Variants in KIF5C observed in about 807,000 individuals in gnomAD.
KIF5C encodes the protein kinesin family member 5C.
KIF5C carries 18 observed loss-of-function variants against 125.2 expected under a neutral mutation model. The ratio of observed to expected loss-of-function variants is 0.14; its 90% CI spans 0.10 to 0.21. The LOEUF is 0.21. Among genes scored for constraint, KIF5C ranks in the 10% least tolerant of loss-of-function variants. KIF5C has a pLI of 1.00. For missense variants in KIF5C, 780 were observed against 1,183.8 expected (o/e 0.66, Z 5.01); for synonymous variants, 405 against 434.0 (o/e 0.93, Z 0.83).
In KIF5C at chr2:148,990,976, G is replaced by A. The variant is rs747623450; in HGVS notation, c.1717-34G>A. The A allele has an allele frequency of 3.1e-6, 5 of 1,589,700 alleles. No individual in the cohort carries two copies. The African/African-American group carries it at 6.7e-5, about 21-fold the overall frequency. ...AGTCCGTGAACCTATGGAAATTGTGGGCAACATTTGAGTGTGTCCCCTTCT... is the reference window on the plus strand; with the variant it reads ...AGTCCGTGAACCTATGGAAATTGTGAGCAACATTTGAGTGTGTCCCCTTCT... On this transcript the variant is annotated intron_variant, in intron 15 of 25. Coordinates refer to ENST00000435030, the MANE Select transcript of KIF5C (RefSeq NM_004522.3).
At chr2:148,914,855 G>C (rs1681482341) in intron 1 of KIF5C, among the ~76,000 whole-genome samples, 1 of 152,248 alleles carries the variant, frequency 6.6e-6, no homozygotes, top group South Asian at 2.1e-4. Flanking sequence ...GGAGTGGAGA[G>C]GAGAATGGGG....
At chr2:149,016,945 G>A (rs1444888469) in intron 25 of KIF5C, among the ~76,000 whole-genome samples, 13 of 152,132 alleles carry the variant, frequency 8.5e-5, no homozygotes, top group Non-Finnish European at 1.5e-4. Context: ...GGATCATGTG[G>A]GGGCACAGAG....
chr2:148,914,655 T>C (rs533637806), intron 1 of KIF5C, among the ~76,000 whole-genome samples: 3 of 152,386 alleles, frequency 2.0e-5, no homozygotes, highest in African/African-American at 7.2e-5. Context: ...GGCTGCTTTG[T>C]GGACATTTGT....
chr2:148,929,777 G>A (rs1682129204), intron 3 of KIF5C, among the ~76,000 whole-genome samples: 1 of 151,844 alleles, frequency 6.6e-6, no homozygotes, highest in East Asian at 1.9e-4. Flanking sequence ...TGTGGGCCAC[G>A]TTCAGCCCAC....
chr2:148,972,501 A>G (rs540723499), intron 11 of KIF5C, among the ~76,000 whole-genome samples: 13 of 152,280 alleles, frequency 8.5e-5, no homozygotes, highest in South Asian at 4.1e-4. Flanking sequence ...TATGTCTTTG[A>G]TGTTCTTGTT....
In KIF5C at chr2:149,023,738, G is replaced by A. The variant is rs995640285; in HGVS notation, c.*668G>A. ...AATTTGTTCATTCAAATACATCTGT[G>A]TAAATGCAAAAAGTCATAAAATTCA... On this transcript the variant is annotated 3_prime_UTR_variant, in exon 26 of 26. Coordinates refer to ENST00000435030, the MANE Select transcript of KIF5C (RefSeq NM_004522.3). 1 of 152,336 alleles carries A rather than the reference G, an allele frequency of 6.6e-6. No homozygotes were observed. The highest frequency in any genetic ancestry group is 2.4e-5 in the African/African-American group (1 of 41,436). The allele number at this position is 152,336 out of a possible 1,614,324, so 9.4% of individuals were successfully genotyped here. A position where few individuals can be genotyped will look rare whatever the true frequency, so the allele number is the denominator to read the frequency against.
chr2:148,968,296 G>A (rs1680800648), intron 11 of KIF5C, among the ~76,000 whole-genome samples: 1 of 152,280 alleles, frequency 6.6e-6, no homozygotes, highest in East Asian at 1.9e-4. Context: ...ACGCAGATTT[G>A]TTCATCCAGT....
chr2:148,914,390 T>G (rs1681461773), intron 1 of KIF5C, among the ~76,000 whole-genome samples: 1 of 152,240 alleles, frequency 6.6e-6, no homozygotes, highest in African/African-American at 2.4e-5. Flanking sequence ...TCTTTATGCC[T>G]GTTAGCCAGG....
Position 148,997,918 on chromosome 2 carries a change from G to A in KIF5C, c.2101-482G>A, listed in dbSNP as rs34977674. The A allele has an allele frequency of 1.1e-4, 18 of 168,264 alleles. No individual in the cohort carries two copies. The South Asian group carries it at 1.4e-3, about 13-fold the overall frequency. 10.4% of individuals were successfully genotyped at this position (168,264 alleles called of 1,614,324 possible). On this transcript the variant is annotated intron_variant, in intron 18 of 25. Coordinates refer to ENST00000435030, the MANE Select transcript of KIF5C (RefSeq NM_004522.3). Reference sequence around the variant, plus strand: ...AGCCAGCAGAATAAAATCATGCGTCGTGGGAGTCCCTTTCCTGTTTTCAGA... The same window carrying A: ...AGCCAGCAGAATAAAATCATGCGTCATGGGAGTCCCTTTCCTGTTTTCAGA...
chr2:148,925,576 G>A (rs1681958581), intron 2 of KIF5C, among the ~76,000 whole-genome samples: 1 of 152,150 alleles, frequency 6.6e-6, no homozygotes, highest in African/African-American at 2.4e-5. Flanking sequence ...AGGTTGGTTC[G>A]GGGGCCATGG....
chr2:148,928,996 TA>T (rs1015304355), intron 2 of KIF5C, among the ~76,000 whole-genome samples: 1 of 152,078 alleles, frequency 6.6e-6, no homozygotes, highest in Non-Finnish European at 1.5e-5. Context: ...ATCCTTCTAC[TA>T]AAAAAAAGTT....
chr2:149,017,029 G>T (rs1383869666), intron 25 of KIF5C, among the ~76,000 whole-genome samples: 1 of 152,174 alleles, frequency 6.6e-6, no homozygotes, highest in Non-Finnish European at 1.5e-5. Flanking sequence ...CAGAGACTGG[G>T]TGGTTGAAGA....
At chr2:148,981,709 T>G in intron 14 of KIF5C, 148 bp downstream of exon 14, 1 of 1,355,824 alleles carries the variant, frequency 7.4e-7, no homozygotes, top group East Asian at 2.6e-5. Context: ...CTCCAACAAT[T>G]GAAATACTTC....
At chr2:148,899,518 A>G (rs572692758) in intron 1 of KIF5C, among the ~76,000 whole-genome samples, 1 of 151,994 alleles carries the variant, frequency 6.6e-6, no homozygotes, top group African/African-American at 2.4e-5. Context: ...CCTGGCCAAC[A>G]TGGCAAAACC....
Position 148,981,494 on chromosome 2 carries a change from A to G in KIF5C, c.1502A>G (p.Lys501Arg), listed in dbSNP as rs755061518. The change falls in exon 14 of 26, where the codon AAA (lysine) becomes AGA (arginine). Residue 501 changes from lysine to arginine, a missense_variant. Physicochemically the swap from Lys to Arg is conservative, Grantham distance 26 (BLOSUM62 2). Around this residue, in one of 2 missense-constraint regions of KIF5C, gnomAD observed 573 missense variants for 742.6 expected, o/e 0.77. Coordinates refer to ENST00000435030, the MANE Select transcript of KIF5C (RefSeq NM_004522.3). ...GAGCTGGCTGTCAATTATGACCAGA[A>G]ATCACAGGAAGTGGAGGATAAGACC... is the stretch of plus-strand genomic sequence containing the variant. ...LEELAVNYDQ[K>R]SQEVEDKTRA... 1.2e-6 allele frequency: 2 copies of G among 1,607,784 alleles called. No homozygotes were observed. The highest frequency in any genetic ancestry group is 4.5e-5 in the East Asian group (2 of 44,654).
At chr2:148,909,192 C>A (rs1681237125) in intron 1 of KIF5C, among the ~76,000 whole-genome samples, 1 of 152,178 alleles carries the variant, frequency 6.6e-6, no homozygotes, top group African/African-American at 2.4e-5. Flanking sequence ...CCCATTGTAC[C>A]ATTCTGCTCC....
rs1681206289 is a variant in KIF5C, at chr2:148,876,793, T to G, written c.126+1050T>G. Among the ~76,000 whole-genome samples, 1 of 152,138 alleles carries G rather than the reference T, an allele frequency of 6.6e-6. No homozygotes were observed. Among genetic ancestry groups the G allele is most frequent in the South Asian group, 2.1e-4 (1 of 4,824 alleles). On this transcript the variant is annotated intron_variant, in intron 1 of 25. Coordinates refer to ENST00000435030, the MANE Select transcript of KIF5C (RefSeq NM_004522.3). This position sits in a 1 kb window ranked among gnomAD's most constrained non-coding sequence, Gnocchi z 4.7. ...TGTGGCTGATGGTGCCCCCTTTGTA[T>G]GCGAGCCGCGTGGGGAGGGACCGAG...
At position 148,967,831 on chromosome 2, in the gene KIF5C, A is replaced by AT. The variant is rs149205250; in HGVS notation, c.1118-5504dup. Among the ~76,000 whole-genome samples, 738 of 152,234 alleles carry AT rather than the reference A, an allele frequency of 4.8e-3. 5 individuals carry two copies. Among genetic ancestry groups the AT allele is most frequent in the South Asian group, 0.018 (85 of 4,808 alleles). On this transcript the variant is annotated intron_variant, in intron 11 of 25. Transcript: ENST00000435030. ...AAAGCTCTATTGCTTTGTTGCTCATATGTGCGGGAGAGACTCGAACAATCC... is the reference window on the plus strand; with the variant it reads ...AAAGCTCTATTGCTTTGTTGCTCATATTGTGCGGGAGAGACTCGAACAATCC...
chr2:148,905,942 T>C (rs1337834066), intron 1 of KIF5C, among the ~76,000 whole-genome samples: 1 of 152,160 alleles, frequency 6.6e-6, no homozygotes, highest in Non-Finnish European at 1.5e-5. Flanking sequence ...TTGTGAGACT[T>C]ATTCACTGTC....
Sources: gnomAD v4.1 joint callset for allele counts (sites outside exome capture counted in the v4.1 genomes callset) on GRCh38, gnomAD v4.1.1 for gene constraint, gnomAD v4.1.1 regional missense constraint, Gnocchi (gnomAD v3.1) non-coding constraint, MANE v1.5 for transcripts, NCBI Gene and HGNC (gene_info 2026-07-23, HGNC 2026-07-21) for gene names.